PDE2A: variants seen among roughly 807,000 people sequenced by gnomAD.
The protein encoded by PDE2A is cGMP-dependent 3',5'-cyclic phosphodiesterase.
In PDE2A, 53 loss-of-function variants were observed where a neutral mutation model predicts 133.6. The ratio of observed to expected loss-of-function variants is 0.40; its 90% CI spans 0.32 to 0.50. The LOEUF is 0.50. PDE2A is among the 20% of genes least tolerant of loss of function. The pLI, the probability that PDE2A is intolerant of heterozygous loss-of-function variation, is 0.73. For synonymous variants in PDE2A, 491 were observed against 490.2 expected (o/e 1.00, Z -0.02); for missense variants, 796 against 1,232.4 (o/e 0.65, Z 5.30).
chr11:72,598,475 C>A (rs1379826963), intron 4 of PDE2A: 2 of 1,283,574 alleles, frequency 1.6e-6, no homozygotes, highest in East Asian at 5.6e-5. Context: ...TCCTCTACCC[C>A]CCAGCCTCTG....
intron 11 of PDE2A, 23 bp downstream of exon 11, chr11:72,589,728 G>A (rs1332442306): frequency 7.4e-6 from 12 of 1,612,602 alleles, no homozygotes; most frequent in Admixed American, 1.7e-5. Flanking sequence ...AGACTCCAAC[G>A]AGAAGACAGA....
intron 19 of PDE2A, among the ~76,000 whole-genome samples, chr11:72,583,935 A>G (rs1463735075): frequency 6.6e-6 from 1 of 152,046 alleles, no homozygotes; most frequent in Non-Finnish European, 1.5e-5. Context: ...CTTCCAGGGA[A>G]GAGAGGAGGT....
chr11:72,640,053 CCACT>C (rs1555001030), intron 2 of PDE2A, among the ~76,000 whole-genome samples: 4 of 152,046 alleles, frequency 2.6e-5, no homozygotes, highest in Non-Finnish European at 5.9e-5. Flanking sequence ...TGGCCATCCT[CCACT>C]CACTCCTCAC....
At chr11:72,600,244 A>G (rs1332545779) in intron 4 of PDE2A, among the ~76,000 whole-genome samples, 7 of 151,810 alleles carry the variant, frequency 4.6e-5, no homozygotes, top group Non-Finnish European at 1.0e-4. Context: ...CCTGGGTAAA[A>G]CTCTCCACAT....
rs2135301571 is a variant in PDE2A, at chr11:72,589,174, C to T, written c.939+1G>A. ...TCTGGGTCAGCCAGGCCATGACTTA[C>T]GGAGGTGAGGTCCTTCAGCTGGATG... On this transcript the variant is annotated splice_donor_variant, in intron 12 of 30. Coordinates refer to ENST00000334456, the MANE Select transcript of PDE2A (RefSeq NM_002599.5). LOFTEE classifies it high-confidence loss of function. The T allele has an allele frequency of 2.5e-6, 4 of 1,612,562 alleles. No homozygotes were observed. The highest frequency in any genetic ancestry group is 3.4e-6 in the Non-Finnish European group (4 of 1,178,828).
intron 1 of PDE2A, among the ~76,000 whole-genome samples, chr11:72,661,715 A>C (rs1345139387): frequency 2.6e-5 from 4 of 152,268 alleles, no homozygotes; most frequent in African/African-American, 9.6e-5. Context: ...GACGCTGCAC[A>C]GGTGGGGAAC....
intron 18 of PDE2A, 116 bp downstream of exon 18, chr11:72,584,435 G>A (rs781399642): frequency 1.5e-6 from 2 of 1,329,940 alleles, no homozygotes; most frequent in Admixed American, 3.9e-5. Context: ...CATGGAACCC[G>A]ACTCCCTTAT....
chr11:72,598,157 C>A lies in PDE2A; in HGVS notation c.324-538G>T, dbSNP rs558685717. Among the ~76,000 whole-genome samples, 10 of 152,316 alleles carry A rather than the reference C, an allele frequency of 6.6e-5. No individual in the cohort carries two copies. The South Asian group carries it at 1.9e-3, about 28-fold the overall frequency. On this transcript the variant is annotated intron_variant, in intron 4 of 30. Transcript: ENST00000334456. ...ACATAGATGAACTCAGAATTCCCAG[C>A]AATTCTATGAATTAGATATCTTCAT...
chr11:72,589,283 A>T, intron 11 of PDE2A, 43 bp from the exon 12 acceptor site: 2 of 1,445,422 alleles, frequency 1.4e-6, no homozygotes, highest in Non-Finnish European at 1.9e-6. Flanking sequence ...AGTACTCCCC[A>T]GGTCAGGGGA....
intron 1 of PDE2A, among the ~76,000 whole-genome samples, chr11:72,645,521 C>A (rs1292972277): frequency 1.3e-5 from 2 of 152,254 alleles, no homozygotes; most frequent in Non-Finnish European, 2.9e-5. Flanking sequence ...CCCTACCTCA[C>A]TCCAACTGCA....
At chr11:72,600,930 C>A (rs948194966) in intron 4 of PDE2A, among the ~76,000 whole-genome samples, 6 of 151,794 alleles carry the variant, frequency 4.0e-5, no homozygotes, top group Non-Finnish European at 7.4e-5. Flanking sequence ...GAAAAAGAAT[C>A]GAGGGAAAGG....
At position 72,661,381 on chromosome 11, in the gene PDE2A, C is replaced by A. The variant is rs539664206; in HGVS notation, c.71+12756G>T. 4.6e-5 allele frequency among the ~76,000 whole-genome samples: 7 copies of A among 152,266 alleles called. No individual in the cohort carries two copies. In the East Asian group the frequency reaches 1.2e-3, roughly 25 times the overall value. Reference sequence around the variant, plus strand: ...GGGCTCCTCACAGCTATTCCTAACTCATTTCCCCCCAAATTTGCCTCTGTC... The same window carrying A: ...GGGCTCCTCACAGCTATTCCTAACTAATTTCCCCCCAAATTTGCCTCTGTC... On this transcript the variant is annotated intron_variant, in intron 1 of 30. Coordinates refer to ENST00000334456, the MANE Select transcript of PDE2A (RefSeq NM_002599.5).
intron 2 of PDE2A, among the ~76,000 whole-genome samples, chr11:72,631,943 C>A (rs770561906): frequency 6.6e-6 from 1 of 151,802 alleles, no homozygotes; most frequent in Non-Finnish European, 1.5e-5. Flanking sequence ...AGCCTGGCTT[C>A]GTTCCCGTCA....
chr11:72,581,177 T>C (rs930005624), intron 23 of PDE2A, among the ~76,000 whole-genome samples, 180 bp downstream of exon 23: 8 of 152,204 alleles, frequency 5.3e-5, no homozygotes, highest in Admixed American at 4.6e-4. Flanking sequence ...CACTAGCTGC[T>C]TGGCTGTGAG....
chr11:72,599,944 G>A (rs1315719949), intron 4 of PDE2A, among the ~76,000 whole-genome samples: 1 of 152,260 alleles, frequency 6.6e-6, no homozygotes, highest in Admixed American at 6.5e-5. Context: ...AAGGCTTCCT[G>A]TAGAGGGAGA....
chr11:72,579,300 G>A lies in PDE2A; in HGVS notation c.2340C>T (p.Leu780=). 1.2e-6 allele frequency: 2 copies of A among 1,612,828 alleles called. No individual in the cohort carries two copies. The highest frequency in any genetic ancestry group is 4.5e-5 in the East Asian group (2 of 44,882). The change falls in exon 27 of 31, where the codon CTC becomes CTT. Residue 780 remains leucine (L), a synonymous_variant. Transcript: ENST00000334456. The part of the protein sequence containing the change: ...LAHHLRIFKD[L]QKMAEVGYDR... ...AGCAGTCACCCTCAGCCATCTTCTG[G>A]AGGTCCTTGAAGATGCGGAGATGGT...
intron 26 of PDE2A, 53 bp downstream of exon 26, chr11:72,579,481 C>G (rs1375613374): frequency 6.4e-7 from 1 of 1,563,442 alleles, no homozygotes; most frequent in African/African-American, 1.3e-5. Flanking sequence ...TATCCCACCT[C>G]CAGCCAGCTC....
chr11:72,642,181 G>A, intron 2 of PDE2A, 73 bp downstream of exon 2: 1 of 1,368,924 alleles, frequency 7.3e-7, no homozygotes, highest in Non-Finnish European at 9.5e-7. Flanking sequence ...GAAGGGTTCG[G>A]GGGCGGGCAG....
chr11:72,636,507 A>C (rs1239484177), intron 2 of PDE2A, among the ~76,000 whole-genome samples: 1 of 152,050 alleles, frequency 6.6e-6, no homozygotes, highest in Non-Finnish European at 1.5e-5. Flanking sequence ...CTTTAATCTC[A>C]AAGCTCATGA....
Sources: gnomAD v4.1 joint callset for allele counts (sites outside exome capture counted in the v4.1 genomes callset) on GRCh38, gnomAD v4.1.1 for gene constraint, MANE v1.5 for transcripts, NCBI Gene and HGNC (gene_info 2026-07-23, HGNC 2026-07-21) for gene names.